Variants in TTN observed in about 807,000 individuals in gnomAD.
The protein encoded by TTN is connectin.
In TTN, 1,525 loss-of-function variants were observed where a neutral mutation model predicts 3,223.0. The ratio of observed to expected loss-of-function variants is 0.47; its 90% CI spans 0.45 to 0.49. The LOEUF (loss-of-function observed/expected upper bound fraction) is 0.49. Among genes scored for constraint, TTN ranks in the 20% least tolerant of loss-of-function variants. The pLI, the probability that TTN is intolerant of heterozygous loss-of-function variation, is 0.00. For synonymous variants in TTN, 14,094 were observed against 15,161.0 expected (o/e 0.93, Z 5.17); for missense variants, 40,786 against 43,424.0 (o/e 0.94, Z 5.40).
Position 178,566,179 on chromosome 2 carries a change from A to G in TTN, c.79953T>C (p.Asp26651=). The G allele has an allele frequency of 6.2e-7, 1 of 1,613,700 alleles. No individual in the cohort carries two copies. The highest frequency in any genetic ancestry group is 1.7e-5 in the Admixed American group (1 of 59,988). ...KGVNYTQLSI[D]NCDRNDAGKY... is the part of the protein sequence containing the mutation. ...TTCCAGCATCATTTCTATCACAGTT[A>G]TCTATTGATAGTTGGGTATAGTTTA... Residue 26651 remains aspartate (D), a synonymous_variant, in exon 326 of 363, where the codon GAT becomes GAC. Transcript: ENST00000589042.
chr2:178,800,485 C>A lies in TTN; in HGVS notation c.493G>T (p.Glu165Ter). ...GTCCCTGAGTCCTCAGGGTATGCTTCTGCAATCAGTAAGCTGTAGAGGTCG... is the reference window on the plus strand; with the variant it reads ...GTCCCTGAGTCCTCAGGGTATGCTTATGCAATCAGTAAGCTGTAGAGGTCG... ...EGDLYSLLIA[E>*]AYPEDSGTYS... Residue 165 changes from glutamate to a stop codon, truncating the protein, a stop_gained, in exon 4 of 363, where the codon GAA (glutamate) becomes TAA (stop). Coordinates refer to ENST00000589042, the MANE Select transcript of TTN (RefSeq NM_001267550.2). LOFTEE classifies it high-confidence loss of function. 6.2e-7 allele frequency: 1 copy of A among 1,614,164 alleles called. No individual in the cohort carries two copies. Among genetic ancestry groups the A allele is most frequent in the Non-Finnish European group, 8.5e-7 (1 of 1,180,010 alleles).
chr2:178,568,547 T>C lies in TTN; in HGVS notation c.77585A>G (p.Lys25862Arg). 6.2e-7 allele frequency: 1 copy of C among 1,613,496 alleles called. No homozygotes were observed. The highest frequency in any genetic ancestry group is 8.5e-7 in the Non-Finnish European group (1 of 1,179,590). ...LTTLSIKETH[K>R]DDGGQYGITV... ...GATTCCATATTGTCCACCATCATCCTTATGAGTTTCTTTAATACTGAGTGT... is the reference window on the plus strand; with the variant it reads ...GATTCCATATTGTCCACCATCATCCCTATGAGTTTCTTTAATACTGAGTGT... The change falls in exon 326 of 363, where the codon AAG becomes AGG. Residue 25862 changes from lysine (K) to arginine (R), a missense_variant. Lys to Arg is a conservative substitution (Grantham distance 26). Coordinates refer to ENST00000589042, the MANE Select transcript of TTN (RefSeq NM_001267550.2).
rs368285373 is a variant in TTN at position 178,799,452 on chromosome 2, T to C, written c.914+35A>G. On this transcript the variant is annotated intron_variant, in intron 6 of 362. Transcript: ENST00000589042. ...CTCGTTTCAAAACCTAGTTCCAAAA[T>C]GTGCAATAATCTGCTCTCTCTATGG... The C allele has an allele frequency of 7.4e-6, 12 of 1,613,542 alleles. No individual in the cohort carries two copies. In the East Asian group the frequency reaches 1.3e-4, roughly 18 times the overall value.
rs571477228 is a variant in TTN at position 178,593,999 on chromosome 2, G to C, written c.58394C>G (p.Thr19465Arg). 3 of 1,613,568 alleles carry C rather than the reference G, an allele frequency of 1.9e-6. No homozygotes were observed. The East Asian group carries it at 6.7e-5, about 36-fold the overall frequency. The change falls in exon 297 of 363, where the codon ACA (threonine) becomes AGA (arginine). Residue 19465 changes from threonine (T) to arginine (R), a missense_variant. Coordinates refer to ENST00000589042, the MANE Select transcript of TTN (RefSeq NM_001267550.2). ...GKYCVVVENSTGSRKGFCQVN... is the reference protein window; with the variant it reads ...GKYCVVVENSRGSRKGFCQVN... ...TTGACAGAAACCTTTCCTAGAGCCT[G>C]TACTGTTCTCCACAACCACACAGTA...
chr2:178,614,241 A>G lies in TTN; in HGVS notation c.49156T>C (p.Tyr16386His), dbSNP rs754631165. Residue 16386 changes from tyrosine to histidine, a missense_variant, in exon 262 of 363, where the codon TAT (tyrosine) becomes CAT (histidine). By Grantham distance (83) the Tyr-to-His change is moderately conservative. Transcript: ENST00000589042. ...TCAGTTGCTCGTCTCTCCACAACAT[A>G]GTTTGTGATCTTAGATCCACCATCA... ...RDDGGSKITNYVVERRATDSE... is the reference protein window; with the variant it reads ...RDDGGSKITNHVVERRATDSE... The G allele has an allele frequency of 6.2e-7, 1 of 1,612,536 alleles. No homozygotes were observed. The highest frequency in any genetic ancestry group is 8.5e-7 in the Non-Finnish European group (1 of 1,179,264).
Position 178,741,370 on chromosome 2 carries a change from C to A in TTN, c.11863G>T (p.Ala3955Ser), listed in dbSNP as rs1352554984. Residue 3955 changes from alanine to serine, a missense_variant, in exon 48 of 363, where the codon GCC (alanine) becomes TCC (serine). Ala to Ser is a moderately conservative substitution (Grantham distance 99). Transcript: ENST00000589042. ...CCAACCACTGTGTACTCAAAGATGG[C>A]AGGAAGCCCTTGAGCACAGCGAATT... ...KPIRCAQGLP[A>S]IFEYTVVGEP... 1.2e-6 allele frequency: 2 copies of A among 1,613,872 alleles called. No individual in the cohort carries two copies. Among genetic ancestry groups the A allele is most frequent in the Admixed American group, 3.3e-5 (2 of 60,004 alleles).
chr2:178,730,056 A>G lies in TTN; in HGVS notation c.18307+37T>C, dbSNP rs529841000. 1.6e-5 allele frequency: 26 copies of G among 1,597,828 alleles called. No homozygotes were observed. In the South Asian group the frequency reaches 2.8e-4, roughly 17 times the overall value. The stretch of plus-strand genomic sequence containing the variant: ...CGGCCCACCCCAGGCAAGAAAATCT[A>G]GACAAGCAAGAAAGTGAGGAGATGT... On this transcript the variant is annotated intron_variant, in intron 62 of 362. Transcript: ENST00000589042.
chr2:178,551,129 A>AG lies in TTN; in HGVS notation c.91401dup (p.Trp30468LeufsTer8). On this transcript the variant is annotated frameshift_variant, in exon 336 of 363. Transcript: ENST00000589042. LOFTEE classifies it high-confidence loss of function. Reference sequence around the variant, plus strand: ...ACGTCAGTAAAGTTGCATCTCACCCAGCGTTCATTTCCTTGCCGTTTCTCA... The same window carrying AG: ...ACGTCAGTAAAGTTGCATCTCACCCAGGCGTTCATTTCCTTGCCGTTTCTCA... The AG allele has an allele frequency of 6.2e-7, 1 of 1,613,548 alleles. No individual in the cohort carries two copies. The highest frequency in any genetic ancestry group is 8.5e-7 in the Non-Finnish European group (1 of 1,179,674).
At position 178,572,107 on chromosome 2, in the gene TTN, A is replaced by G; in HGVS notation, c.74025T>C (p.Thr24675=). 1 of 1,613,194 alleles carries G rather than the reference A, an allele frequency of 6.2e-7. No individual in the cohort carries two copies. The highest frequency in any genetic ancestry group is 8.5e-7 in the Non-Finnish European group (1 of 1,179,514). The change falls in exon 326 of 363, where the codon ACT becomes ACC. Residue 24675 remains threonine, a synonymous_variant. Transcript: ENST00000589042. ...TCATVKVTEA[T]ITGLIQGEEY... ...CTTCACCCTGAATTAATCCAGTGAT[A>G]GTGGCTTCAGTGACCTTGACTGTGG...
chr2:178,559,820 G>A lies in TTN; in HGVS notation c.86312C>T (p.Ser28771Leu), dbSNP rs760184584. 1.2e-6 allele frequency: 2 copies of A among 1,610,426 alleles called. No individual in the cohort carries two copies. The highest frequency in any genetic ancestry group is 4.5e-5 in the East Asian group (2 of 44,850). ...RKTLIVKAGA[S>L]FTMTVPFRGR... is the part of the protein sequence containing the mutation. ...TCGGAAAGGCACAGTCATGGTAAAT[G>A]AGGCACCAGCCTTGACAATCAAGGT... is the stretch of plus-strand genomic sequence containing the variant. The change falls in exon 326 of 363, where the codon TCA (serine) becomes TTA (leucine). Residue 28771 changes from serine to leucine, a missense_variant. Transcript: ENST00000589042.
At chr2:178,549,521 G>A in intron 338 of TTN, 48 bp from the exon 339 acceptor site, 1 of 1,592,608 alleles carries the variant, frequency 6.3e-7, no homozygotes, top group Non-Finnish European at 8.6e-7. Flanking sequence ...CATTTGCTTG[G>A]AAGGTTAAAC....
intron 6 of TTN, among the ~76,000 whole-genome samples, chr2:178,798,083 T>C (rs1277062759): frequency 1.3e-5 from 2 of 152,114 alleles, no homozygotes; most frequent in Non-Finnish European, 2.9e-5. Flanking sequence ...GATCTCTTTC[T>C]GGACTCTCTG....
rs373303042 is a variant in TTN, at chr2:178,614,385, T to C, written c.49049-37A>G. Reference sequence around the variant, plus strand: ...ATTACAGATGCAGAAAAAAAAATTGTTCACCATTTTTTTTATTTTTTTCTT... The same window carrying C: ...ATTACAGATGCAGAAAAAAAAATTGCTCACCATTTTTTTTATTTTTTTCTT... On this transcript the variant is annotated intron_variant, in intron 261 of 362. Transcript: ENST00000589042. 6.8e-4 allele frequency: 1,069 copies of C among 1,578,528 alleles called. 8 individuals are homozygous for C. The South Asian group carries it at 0.012, about 18-fold the overall frequency.
Position 178,599,795 on chromosome 2 carries a change from A to G in TTN, c.56106T>C (p.Val18702=). The change falls in exon 289 of 363, where the codon GTT becomes GTC. Residue 18702 remains valine (V), a synonymous_variant. Coordinates refer to ENST00000589042, the MANE Select transcript of TTN (RefSeq NM_001267550.2). The stretch of plus-strand genomic sequence containing the variant: ...CACCTTTAATTTTGGCCACAATGTT[A>G]ACATTGGTTCCTTCTTCAACCTCCA... ...EFMEVEEGTN[V]NIVAKIKGVP... 6.2e-7 allele frequency: 1 copy of G among 1,610,178 alleles called. No individual in the cohort carries two copies. The highest frequency in any genetic ancestry group is 8.5e-7 in the Non-Finnish European group (1 of 1,178,340).
intron 106 of TTN, among the ~76,000 whole-genome samples, chr2:178,703,017 C>T (rs1265500292): frequency 6.6e-6 from 1 of 152,164 alleles, no homozygotes; most frequent in Non-Finnish European, 1.5e-5. Context: ...ACAACTTATT[C>T]CTCTGTGAAA....
At chr2:178,751,442 A>ATTCCCT (rs2085474529) in intron 47 of TTN, 1 of 1,612,880 alleles carries the variant, frequency 6.2e-7, no homozygotes, top group African/African-American at 1.3e-5. Flanking sequence ...AGTTCTCATC[A>ATTCCCT]TTCCCTTTTG....
Position 178,530,322 on chromosome 2 carries a change from A to G in TTN, c.106293T>C (p.Val35431=), listed in dbSNP as rs749108651. 19 of 1,613,956 alleles carry G rather than the reference A, an allele frequency of 1.2e-5. No individual in the cohort carries two copies. The highest frequency in any genetic ancestry group is 1.6e-4 in the Middle Eastern group (1 of 6,062). ...VIVTGLQDTT[V]SSDSVAKFAV... Reference sequence around the variant, plus strand: ...CAAATTTAGCAACACTGTCTGAAGAAACAGTTGTATCCTGCAACCCAGTAA... The same window carrying G: ...CAAATTTAGCAACACTGTCTGAAGAGACAGTTGTATCCTGCAACCCAGTAA... The change falls in exon 358 of 363, where the codon GTT becomes GTC. Residue 35431 remains valine, a synonymous_variant. Transcript: ENST00000589042.
chr2:178,633,673 G>C lies in TTN; in HGVS notation c.42686C>G (p.Ala14229Gly). ...TAATTTCACAGTGAAGTAGGGATCG[G>C]CCTCTGTAAAAGACATTTAGCATAA... Reference protein sequence around the residue: ...SSTAQLKVLEADPYFTVKLHD... With the variant: ...SSTAQLKVLEGDPYFTVKLHD... Residue 14229 changes from alanine to glycine, a missense_variant, in exon 232 of 363, where the codon GCC becomes GGC. By Grantham distance (60) the Ala-to-Gly change is moderately conservative (BLOSUM62 0). Transcript: ENST00000589042. The C allele has an allele frequency of 3.7e-6, 6 of 1,612,312 alleles. No homozygotes were observed. Among genetic ancestry groups the C allele is most frequent in the Non-Finnish European group, 5.1e-6 (6 of 1,179,264 alleles).
chr2:178,555,414 G>T (rs966046548), intron 330 of TTN: 1 of 390,986 alleles, frequency 2.6e-6, no homozygotes, highest in Non-Finnish European at 4.5e-6. Flanking sequence ...CTTTATTCCA[G>T]TGAAGAAATG....
Sources: allele counts gnomAD v4.1 joint callset (sites outside exome capture counted in the v4.1 genomes callset), GRCh38; gene constraint gnomAD v4.1.1; transcripts MANE v1.5; gene names NCBI Gene and HGNC (gene_info 2026-07-23, HGNC 2026-07-21).